Variants in TSHZ2 observed in about 807,000 individuals in gnomAD.
The protein encoded by TSHZ2 is teashirt zinc finger homeobox 2.
Under a neutral mutation model 74.4 loss-of-function variants are expected in TSHZ2, and 21 were observed. The ratio of observed to expected loss-of-function variants is 0.28; its 90% CI spans 0.20 to 0.41. TSHZ2 has a LOEUF of 0.41. Among genes scored for constraint, TSHZ2 ranks in the 10% least tolerant of loss-of-function variants. The pLI, the probability that TSHZ2 is intolerant of heterozygous loss-of-function variation, is 1.00. For synonymous variants in TSHZ2, 540 were observed against 515.3 expected, an observed-to-expected ratio of 1.05 and a Z score of -0.65; for missense variants, 1,244 against 1,293.5, an observed-to-expected ratio of 0.96 and a Z score of 0.59.
Position 53,282,724 on chromosome 20 carries a change from T to C in TSHZ2, c.*8+26153T>C, listed in dbSNP as rs111562379. Among the ~76,000 whole-genome samples the C allele has an allele frequency of 9.4e-4, 143 of 152,318 alleles. 2 individuals carry two copies. The highest frequency in any genetic ancestry group is 3.3e-3 in the African/African-American group (139 of 41,584). On this transcript the variant is annotated intron_variant, in intron 2 of 2. Transcript: ENST00000371497. The stretch of plus-strand genomic sequence containing the variant: ...TTTCTAGTGGCACCTTTCAGACTGG[T>C]GATTCGAAGGAATAAATACAAAATG...
At chr20:53,007,463 G>GT (rs1982684155) in intron 1 of TSHZ2, among the ~76,000 whole-genome samples, 1 of 152,174 alleles carries the variant, frequency 6.6e-6, no homozygotes, top group South Asian at 2.1e-4. Flanking sequence ...GCCTTTCAAA[G>GT]TGAAAGACAG....
intron 2 of TSHZ2, among the ~76,000 whole-genome samples, chr20:53,281,200 A>G (rs1991054269): frequency 1.3e-5 from 2 of 152,228 alleles, no homozygotes; most frequent in African/African-American, 4.8e-5. Context: ...AGGCTACTTT[A>G]GATGGGTGGT....
chr20:53,190,138 T>TATATATATATATA (rs1568803559), intron 1 of TSHZ2, among the ~76,000 whole-genome samples: 185 of 101,606 alleles, frequency 1.8e-3, no homozygotes, highest in Non-Finnish European at 2.5e-3. Flanking sequence ...TATATATATA[T>TATATATATATATA]TTTCTTAAAT....
intron 2 of TSHZ2, among the ~76,000 whole-genome samples, chr20:53,264,022 T>C (rs1178790602): frequency 6.6e-6 from 1 of 152,234 alleles, no homozygotes; most frequent in African/African-American, 2.4e-5. Flanking sequence ...CCTGCTCTCC[T>C]GATATACTCT....
intron 1 of TSHZ2, among the ~76,000 whole-genome samples, chr20:53,045,395 C>T (rs976683397): frequency 2.6e-5 from 4 of 152,212 alleles, no homozygotes; most frequent in African/African-American, 9.6e-5. Flanking sequence ...TTTCCACAGT[C>T]CACTGGTAGT....
intron 2 of TSHZ2, among the ~76,000 whole-genome samples, chr20:53,438,875 G>A (rs959278652): frequency 5.9e-5 from 9 of 152,178 alleles, no homozygotes; most frequent in Non-Finnish European, 1.0e-4. Context: ...CTGCGGAATC[G>A]CTTGACCCCA....
chr20:53,048,458 C>T (rs2008545), intron 1 of TSHZ2, among the ~76,000 whole-genome samples: 35,151 of 152,186 alleles, frequency 0.23, 4,928 homozygotes, highest in East Asian at 0.33. Flanking sequence ...TCCATCTCCC[C>T]TTCGCTTGTC....
At chr20:53,245,547 A>C (rs1202996288) in intron 1 of TSHZ2, among the ~76,000 whole-genome samples, 2 of 152,198 alleles carry the variant, frequency 1.3e-5, no homozygotes, top group Non-Finnish European at 2.9e-5. Flanking sequence ...ATTGCTAAAT[A>C]TCTCTCTACT....
At chr20:52,974,687 G>T (rs888416857) in intron 1 of TSHZ2, among the ~76,000 whole-genome samples, 1 of 152,320 alleles carries the variant, frequency 6.6e-6, no homozygotes, top group South Asian at 2.1e-4. Flanking sequence ...TCCAAAGTTA[G>T]TTAGGAATCT....
chr20:52,982,849 C>T (rs1981619004), intron 1 of TSHZ2, among the ~76,000 whole-genome samples: 1 of 152,140 alleles, frequency 6.6e-6, no homozygotes, highest in African/African-American at 2.4e-5. Flanking sequence ...AGAGACTAGC[C>T]AAGCACAGGG....
chr20:53,182,223 C>CCT (rs1988494431), intron 1 of TSHZ2, among the ~76,000 whole-genome samples: 1 of 91,146 alleles, frequency 1.1e-5, no homozygotes, highest in Non-Finnish European at 2.3e-5. Flanking sequence ...CCCTCCTTCC[C>CCT]TCTTGACTCC....
chr20:53,173,663 G>A (rs1354562242), intron 1 of TSHZ2, among the ~76,000 whole-genome samples: 4 of 152,106 alleles, frequency 2.6e-5, no homozygotes, highest in African/African-American at 9.7e-5. Context: ...CAAGCTTTTA[G>A]GTATATTGTT....
chr20:53,152,707 A>G (rs1482099960), intron 1 of TSHZ2, among the ~76,000 whole-genome samples: 2 of 152,178 alleles, frequency 1.3e-5, no homozygotes, highest in African/African-American at 4.8e-5. Context: ...TTGATTGACC[A>G]ATATCACTCT....
chr20:53,016,148 T>C (rs1030683072), intron 1 of TSHZ2, among the ~76,000 whole-genome samples: 39 of 152,276 alleles, frequency 2.6e-4, no homozygotes, highest in Middle Eastern at 3.4e-3. Flanking sequence ...CTAGGTGTGC[T>C]TAATAATCTG....
intron 2 of TSHZ2, among the ~76,000 whole-genome samples, chr20:53,378,259 G>A (rs1225165521): frequency 2.6e-5 from 4 of 151,686 alleles, no homozygotes; most frequent in South Asian, 2.1e-4. Context: ...GGAATCGCTT[G>A]AACCCAGGAG....
At chr20:53,410,513 A>G (rs953714640) in intron 2 of TSHZ2, among the ~76,000 whole-genome samples, 2 of 152,030 alleles carry the variant, frequency 1.3e-5, no homozygotes, top group African/African-American at 4.8e-5. Flanking sequence ...ATCAACTTAC[A>G]AAACACATAA....
At chr20:53,042,828 C>T (rs1485464656) in intron 1 of TSHZ2, among the ~76,000 whole-genome samples, 1 of 152,056 alleles carries the variant, frequency 6.6e-6, no homozygotes, top group East Asian at 1.9e-4. Context: ...TGTTTCGATC[C>T]AGCAATTCCA....
intron 2 of TSHZ2, among the ~76,000 whole-genome samples, chr20:53,316,386 G>A (rs957213596): frequency 2.0e-5 from 3 of 152,162 alleles, no homozygotes; most frequent in African/African-American, 7.2e-5. Context: ...CCCTCCAGGA[G>A]CCCTCAGCGT....
intron 2 of TSHZ2, among the ~76,000 whole-genome samples, chr20:53,437,482 A>G (rs1249224849): frequency 2.0e-5 from 3 of 152,008 alleles, no homozygotes; most frequent in African/African-American, 7.3e-5. Flanking sequence ...AAAAGGAAAG[A>G]AAAGAAAAGA....
Sources: gnomAD v4.1 joint callset for allele counts (sites outside exome capture counted in the v4.1 genomes callset) on GRCh38, gnomAD v4.1.1 for gene constraint, MANE v1.5 for transcripts, NCBI Gene and HGNC (gene_info 2026-07-23, HGNC 2026-07-21) for gene names.